Variants in PKHD1L1 observed in about 807,000 individuals in gnomAD.
The protein encoded by PKHD1L1 is fibrocystin-L.
Under a neutral mutation model 462.9 loss-of-function variants are expected in PKHD1L1, and 434 were observed. The ratio of observed to expected loss-of-function variants is 0.94; its 90% CI spans 0.87 to 1.02. PKHD1L1 has a LOEUF of 1.02. Ranked by LOEUF, PKHD1L1 falls within the 50% of genes least tolerant of loss-of-function variation. The pLI is 0.00. For synonymous variants in PKHD1L1, 1,781 were observed against 1,750.0 expected, an observed-to-expected ratio of 1.02 and a Z score of -0.44; for missense variants, 5,202 against 5,096.1, an observed-to-expected ratio of 1.02 and a Z score of -0.63.
rs767089670 is a variant in PKHD1L1 at position 109,384,044 on chromosome 8, T to C, written c.418-26T>C. 4 of 1,498,560 alleles carry C rather than the reference T, an allele frequency of 2.7e-6. No individual in the cohort carries two copies. In the South Asian group the frequency reaches 4.6e-5, roughly 17 times the overall value. The allele number at this position is 1,498,560 out of a possible 1,614,324, so 92.8% of individuals were successfully genotyped here. A position where few individuals can be genotyped will look rare whatever the true frequency, so the allele number is the denominator to read the frequency against. On this transcript the variant is annotated intron_variant, in intron 4 of 77. Coordinates refer to ENST00000378402, the MANE Select transcript of PKHD1L1 (RefSeq NM_177531.6). Reference sequence around the variant, plus strand: ...CTAGAAACAAAACAGAGATAAGTTTTCATATTGACATTATTCTTTTTACAG... The same window carrying C: ...CTAGAAACAAAACAGAGATAAGTTTCCATATTGACATTATTCTTTTTACAG...
chr8:109,404,731 T>G lies in PKHD1L1; in HGVS notation c.1533+18T>G. ...AAGTACAGGTTTGCTATGATTGCAGTTCCTCTTACAGAAAGTAAATGTTCG... is the reference window on the plus strand; with the variant it reads ...AAGTACAGGTTTGCTATGATTGCAGGTCCTCTTACAGAAAGTAAATGTTCG... On this transcript the variant is annotated intron_variant, in intron 15 of 77. Coordinates refer to ENST00000378402, the MANE Select transcript of PKHD1L1 (RefSeq NM_177531.6). 1 of 1,578,388 alleles carries G rather than the reference T, an allele frequency of 6.3e-7. No individual in the cohort carries two copies. Among genetic ancestry groups the G allele is most frequent in the Non-Finnish European group, 8.6e-7 (1 of 1,163,566 alleles).
Position 109,470,206 on chromosome 8 carries a change from A to G in PKHD1L1, c.8605+3437A>G, listed in dbSNP as rs1483058071. 3 of 952,026 alleles carry G rather than the reference A, an allele frequency of 3.2e-6. No individual in the cohort carries two copies. In the African/African-American group the frequency reaches 4.9e-5, roughly 16 times the overall value. The allele number at this position is 952,026 out of a possible 1,614,324, so 59.0% of individuals were successfully genotyped here. A position where few individuals can be genotyped will look rare whatever the true frequency, so the allele number is the denominator to read the frequency against. The stretch of plus-strand genomic sequence containing the variant: ...GTATCTGGAGGATCCTGCTTTTGAT[A>G]CCAGTTACTCTACTGAGCCTTGTTG... On this transcript the variant is annotated intron_variant, in intron 50 of 77. Transcript: ENST00000378402.
Position 109,435,283 on chromosome 8 carries a change from G to A in PKHD1L1, c.3434G>A (p.Gly1145Glu), listed in dbSNP as rs142972518. The A allele has an allele frequency of 6.2e-7, 1 of 1,613,736 alleles. No individual in the cohort carries two copies. The highest frequency in any genetic ancestry group is 1.1e-5 in the South Asian group (1 of 91,080). Residue 1145 changes from glycine to glutamate, a missense_variant, in exon 29 of 78, where the codon GGG becomes GAG. By Grantham distance (98) the Gly-to-Glu change is moderately conservative (BLOSUM62 -2). Around this residue, in one of 3 missense-constraint regions of PKHD1L1, gnomAD observed 4,497 missense variants for 4,336.8 expected, o/e 1.04. Coordinates refer to ENST00000378402, the MANE Select transcript of PKHD1L1 (RefSeq NM_177531.6). Reference sequence around the variant, plus strand: ...GATGTTGGACTAGCACAGAATGTAGGGGGTGAAGAGTTCTACTTTGTTTAT... The same window carrying A: ...GATGTTGGACTAGCACAGAATGTAGAGGGTGAAGAGTTCTACTTTGTTTAT... Reference protein sequence around the residue: ...MADVGLAQNVGGEEFYFVYQS... With the variant: ...MADVGLAQNVEGEEFYFVYQS...
chr8:109,362,823 CAG>C (rs1256488685), intron 1 of PKHD1L1, among the ~76,000 whole-genome samples, 170 bp downstream of exon 1: 1 of 152,090 alleles, frequency 6.6e-6, no homozygotes. Flanking sequence ...GCCTAGCAAA[CAG>C]AGACAGACGC....
intron 2 of PKHD1L1, among the ~76,000 whole-genome samples, chr8:109,369,682 T>C (rs1256157216): frequency 6.6e-6 from 1 of 152,110 alleles, no homozygotes; most frequent in African/African-American, 2.4e-5. Flanking sequence ...AGTAAAACTT[T>C]CCATTCTTTA....
At chr8:109,510,657 T>C in intron 70 of PKHD1L1, 120 bp from the exon 71 acceptor site, 1 of 1,295,290 alleles carries the variant, frequency 7.7e-7, no homozygotes, top group South Asian at 1.5e-5. Context: ...TAGGTATAAA[T>C]GCTGAACTTG....
chr8:109,385,583 A>C lies in PKHD1L1; in HGVS notation c.522A>C (p.Gly174=), dbSNP rs1048961124. 19 of 1,607,290 alleles carry C rather than the reference A, an allele frequency of 1.2e-5. No homozygotes were observed. The Admixed American group carries it at 3.2e-4, about 27-fold the overall frequency. ...GCAGAATCTTCACTGATGTCTATGG[A>C]AGTAATATTGCACTAAGCTCAAATG... ...IQGRIFTDVY[G]SNIALSSNGK... Residue 174 remains glycine (G), a synonymous_variant, in exon 6 of 78, where the codon GGA becomes GGC. Transcript: ENST00000378402.
chr8:109,484,065 G>C (rs1048042249), intron 57 of PKHD1L1, among the ~76,000 whole-genome samples: 4 of 151,844 alleles, frequency 2.6e-5, no homozygotes, highest in Non-Finnish European at 4.4e-5. Context: ...AGAACAAAGA[G>C]AGCCTTAGTT....
intron 77 of PKHD1L1, among the ~76,000 whole-genome samples, chr8:109,528,850 C>A (rs1673389): frequency 0.24 from 36,075 of 151,906 alleles, 4,981 homozygotes; most frequent in African/African-American, 0.34. Context: ...GTGAAAGTTG[C>A]GTCTTTACCT....
intron 63 of PKHD1L1, among the ~76,000 whole-genome samples, chr8:109,494,274 A>G (rs1335973414): frequency 6.6e-6 from 1 of 151,772 alleles, no homozygotes; most frequent in African/African-American, 2.4e-5. Flanking sequence ...AAAGCGAAAC[A>G]TTTACACCTT....
At position 109,466,559 on chromosome 8, in the gene PKHD1L1, T is replaced by A; in HGVS notation, c.8414-19T>A. ...CTTAATGTGAAATAAAAAACATATT[T>A]TGTTTGTTTGTTTCCCAGGGCACAA... On this transcript the variant is annotated intron_variant, in intron 49 of 77. Transcript: ENST00000378402. 6.5e-7 allele frequency: 1 copy of A among 1,542,282 alleles called. No individual in the cohort carries two copies. The highest frequency in any genetic ancestry group is 1.2e-5 in the South Asian group (1 of 81,510).
intron 9 of PKHD1L1, 86 bp downstream of exon 9, chr8:109,390,580 G>C: frequency 1.4e-6 from 1 of 732,166 alleles, no homozygotes. Context: ...TGCTGTAGAT[G>C]CAGAGGTTTA....
chr8:109,494,311 T>G (rs1818981643), intron 63 of PKHD1L1, among the ~76,000 whole-genome samples: 1 of 151,632 alleles, frequency 6.6e-6, no homozygotes, highest in Non-Finnish European at 1.5e-5. Flanking sequence ...AACAATATAA[T>G]CTCTACTTAG....
At chr8:109,498,837 A>C in intron 67 of PKHD1L1, 66 bp downstream of exon 67, 1 of 1,310,898 alleles carries the variant, frequency 7.6e-7, no homozygotes, top group Middle Eastern at 1.9e-4. Context: ...GAGGATAACT[A>C]ATAATGTTTC....
At chr8:109,401,404 T>C (rs1035120313) in intron 13 of PKHD1L1, 93 bp from the exon 14 acceptor site, 3 of 734,062 alleles carry the variant, frequency 4.1e-6, no homozygotes, top group Non-Finnish European at 6.7e-6. Flanking sequence ...ATGAAACTTC[T>C]AAAACTGAAA....
At chr8:109,457,621 T>C (rs1816896890) in intron 46 of PKHD1L1, among the ~76,000 whole-genome samples, 2 of 152,156 alleles carry the variant, frequency 1.3e-5, no homozygotes, top group African/African-American at 2.4e-5. Flanking sequence ...GTAGTTATAT[T>C]ATTTTACTTC....
In PKHD1L1 at chr8:109,435,431, T is replaced by C. The variant is rs910028679; in HGVS notation, c.3505+77T>C. The C allele has an allele frequency of 5.5e-6, 8 of 1,456,932 alleles. No homozygotes were observed. The South Asian group carries it at 1.0e-4, about 19-fold the overall frequency. The allele number at this position is 1,456,932 out of a possible 1,614,324, so 90.3% of individuals were successfully genotyped here. ...TCAATGTGCTGTTTCTAGTACAGGGTGAAGGGAGAGGATCCCAAAGCTTCC... is the reference window on the plus strand; with the variant it reads ...TCAATGTGCTGTTTCTAGTACAGGGCGAAGGGAGAGGATCCCAAAGCTTCC... On this transcript the variant is annotated intron_variant, in intron 29 of 77. Transcript: ENST00000378402.
chr8:109,510,629 G>T, intron 70 of PKHD1L1, 148 bp from the exon 71 acceptor site: 1 of 1,000,522 alleles, frequency 1.0e-6, no homozygotes, highest in East Asian at 2.9e-5. Flanking sequence ...AGCTGGCTGG[G>T]TAACGGTGGA....
rs1395407927 is a variant in PKHD1L1, at chr8:109,449,425, G to A, written c.6113G>A (p.Cys2038Tyr). ...NSIILVCGSE[C>Y]AIDRLRSDYT... Reference sequence around the variant, plus strand: ...ATTATATTAGTTTGTGGCTCAGAATGTGCAATTGACAGGCTTAGATCTGAT... The same window carrying A: ...ATTATATTAGTTTGTGGCTCAGAATATGCAATTGACAGGCTTAGATCTGAT... The change falls in exon 40 of 78, where the codon TGT becomes TAT. Residue 2038 changes from cysteine (C) to tyrosine (Y), a missense_variant. Cys to Tyr is a radical substitution (Grantham distance 194, BLOSUM62 -2). Transcript: ENST00000378402. The A allele has an allele frequency of 1.9e-6, 3 of 1,597,750 alleles. No homozygotes were observed. Among genetic ancestry groups the A allele is most frequent in the African/African-American group, 1.3e-5 (1 of 74,640 alleles).
Sources: allele counts gnomAD v4.1 joint callset (sites outside exome capture counted in the v4.1 genomes callset), GRCh38; gene constraint gnomAD v4.1.1; regional missense constraint gnomAD v4.1.1; transcripts MANE v1.5; gene names NCBI Gene and HGNC (gene_info 2026-07-23, HGNC 2026-07-21).